Variants in ANKRD44 observed in about 807,000 individuals in gnomAD.
The protein encoded by ANKRD44 is ankyrin repeat domain 44, also known as serine/threonine-protein phosphatase 6 regulatory ankyrin repeat subunit B.
ANKRD44 carries 35 observed loss-of-function variants against 116.0 expected under a neutral mutation model. That is an observed-to-expected ratio of 0.30 (90% CI 0.23 to 0.40). ANKRD44 has a LOEUF of 0.40. ANKRD44 is among the 10% of genes least tolerant of loss of function. ANKRD44 has a pLI of 1.00. For synonymous variants in ANKRD44, 435 were observed against 461.8 expected (o/e 0.94, Z 0.74); for missense variants, 1,014 against 1,242.6 (o/e 0.82, Z 2.77).
At chr2:197,155,685 A>C (rs2079791682) in intron 2 of ANKRD44, among the ~76,000 whole-genome samples, 1 of 152,252 alleles carries the variant, frequency 6.6e-6, no homozygotes, top group African/African-American at 2.4e-5. Context: ...GGATCACAGA[A>C]CTAAATGTAA....
intron 9 of ANKRD44, among the ~76,000 whole-genome samples, chr2:197,109,643 A>G (rs1378612366): frequency 1.3e-5 from 2 of 152,242 alleles, no homozygotes; most frequent in East Asian, 3.8e-4. Flanking sequence ...ATAGATGAGA[A>G]AAATACAGGT....
At chr2:197,099,633 G>T in intron 10 of ANKRD44, 183 bp downstream of exon 10, 1 of 1,292,082 alleles carries the variant, frequency 7.7e-7, no homozygotes, top group East Asian at 3.0e-5. Flanking sequence ...AAATAAAATT[G>T]GTTCTTCTTT....
chr2:197,263,315 G>A (rs906483021), intron 1 of ANKRD44: 12 of 659,800 alleles, frequency 1.8e-5, no homozygotes, highest in Admixed American at 4.1e-5. Flanking sequence ...AAGGGACATC[G>A]ACACAACAGC....
At chr2:197,284,334 A>G (rs2083345262) in intron 1 of ANKRD44, among the ~76,000 whole-genome samples, 1 of 152,170 alleles carries the variant, frequency 6.6e-6, no homozygotes, top group Admixed American at 6.5e-5. Flanking sequence ...TTCTATGACC[A>G]GGTCCAAGTT....
chr2:197,199,773 A>G (rs1029859748), intron 1 of ANKRD44, among the ~76,000 whole-genome samples: 8 of 152,196 alleles, frequency 5.3e-5, no homozygotes, highest in African/African-American at 1.9e-4. Context: ...ATTTGCAAAA[A>G]TAATGATGTA....
At chr2:196,993,492 C>T in intron 27 of ANKRD44, 91 bp downstream of exon 27, 3 of 1,058,718 alleles carry the variant, frequency 2.8e-6, no homozygotes, top group Non-Finnish European at 4.2e-6. Flanking sequence ...TCTTAAGTGC[C>T]TTTTATACTA....
chr2:196,997,120 T>A (rs528331454), intron 25 of ANKRD44, among the ~76,000 whole-genome samples: 1 of 151,866 alleles, frequency 6.6e-6, no homozygotes, highest in Non-Finnish European at 1.5e-5. Flanking sequence ...ATTTTTGGAT[T>A]TGGGATAATC....
chr2:197,051,674 A>T (rs2077110090), intron 16 of ANKRD44, among the ~76,000 whole-genome samples: 1 of 152,226 alleles, frequency 6.6e-6, no homozygotes, highest in South Asian at 2.1e-4. Context: ...TCCCAGCTGT[A>T]TCTCACTTAT....
chr2:197,039,821 G>C (rs965577038), intron 16 of ANKRD44, among the ~76,000 whole-genome samples: 2 of 152,014 alleles, frequency 1.3e-5, no homozygotes, highest in African/African-American at 2.4e-5. Flanking sequence ...ATGCAAGAGA[G>C]TAAGAAGGGT....
intron 8 of ANKRD44, among the ~76,000 whole-genome samples, chr2:197,113,691 A>C (rs183941351): frequency 7.6e-4 from 116 of 152,336 alleles, no homozygotes; most frequent in Non-Finnish European, 1.5e-3. Context: ...GGGATAGCAA[A>C]CACCACAACC....
chr2:197,183,801 A>G (rs2080577418), intron 2 of ANKRD44, among the ~76,000 whole-genome samples: 1 of 150,852 alleles, frequency 6.6e-6, no homozygotes, highest in Non-Finnish European at 1.5e-5. Context: ...TCATTCAACC[A>G]CTCTTGTGTT....
intron 23 of ANKRD44, among the ~76,000 whole-genome samples, chr2:196,999,427 T>G: frequency 6.6e-6 from 1 of 152,184 alleles, no homozygotes; most frequent in Non-Finnish European, 1.5e-5. Flanking sequence ...CGTCACATCA[T>G]CTATTTTGGT....
At chr2:197,129,062 T>C (rs143082453) in intron 4 of ANKRD44, among the ~76,000 whole-genome samples, 21 of 152,218 alleles carry the variant, frequency 1.4e-4, no homozygotes, top group African/African-American at 4.6e-4. Flanking sequence ...ACAGATAAGA[T>C]AAAAGCTCAC....
intron 1 of ANKRD44, among the ~76,000 whole-genome samples, chr2:197,215,020 C>T (rs573138986): frequency 2.0e-5 from 3 of 152,082 alleles, no homozygotes; most frequent in East Asian, 1.9e-4. Context: ...TGGGATTATA[C>T]GCACACCACC....
At chr2:197,274,012 T>G (rs1165020123) in intron 1 of ANKRD44, among the ~76,000 whole-genome samples, 1 of 81,606 alleles carries the variant, frequency 1.2e-5, no homozygotes, top group South Asian at 4.4e-4. Flanking sequence ...TATATATATA[T>G]ATATATATAT....
chr2:197,211,828 A>G (rs2081331080), intron 1 of ANKRD44, among the ~76,000 whole-genome samples: 1 of 151,904 alleles, frequency 6.6e-6, no homozygotes, highest in African/African-American at 2.4e-5. Flanking sequence ...AGTGGGGGGC[A>G]GCAAGCAGGA....
At position 197,248,578 on chromosome 2, in the gene ANKRD44, G is replaced by GTGTGTATA. The variant is rs544362365; in HGVS notation, c.28-61473_28-61472insTATACACA. Reference sequence around the variant, plus strand: ...TATGTGTGTGTGTGTGTGTGTGTGTGTATATATATATATAAAGAGAGAGAT... The same window carrying GTGTGTATA: ...TATGTGTGTGTGTGTGTGTGTGTGTGTGTGTATATATATATATATATAAAGAGAGAGAT... On this transcript the variant is annotated intron_variant, in intron 1 of 27. Coordinates refer to ENST00000282272, the MANE Select transcript of ANKRD44 (RefSeq NM_001195144.2). Among the ~76,000 whole-genome samples the GTGTGTATA allele has an allele frequency of 1.4e-4, 20 of 144,254 alleles. 1 individual carries two copies. In the South Asian group the frequency reaches 1.5e-3, roughly 11 times the overall value. The allele number at this position is 144,254 out of a possible 152,430, so 94.6% of individuals were successfully genotyped here.
intron 2 of ANKRD44, chr2:197,147,853 C>T: frequency 2.2e-6 from 1 of 455,364 alleles, no homozygotes; most frequent in South Asian, 1.6e-5. Flanking sequence ...AGAATGTTGA[C>T]ATTAAGGCTG....
chr2:197,030,967 T>C (rs557122810), intron 16 of ANKRD44, among the ~76,000 whole-genome samples: 3 of 152,190 alleles, frequency 2.0e-5, no homozygotes, highest in South Asian at 4.1e-4. Flanking sequence ...TGAGCCACCA[T>C]ACCTAGCCCA....
Sources: gnomAD v4.1 joint callset for allele counts (sites outside exome capture counted in the v4.1 genomes callset) on GRCh38, gnomAD v4.1.1 for gene constraint, MANE v1.5 for transcripts, NCBI Gene and HGNC (gene_info 2026-07-23, HGNC 2026-07-21) for gene names.